Variants in ARHGEF4 observed in about 807,000 individuals in gnomAD.
The protein encoded by ARHGEF4 is APC-stimulated guanine nucleotide exchange factor 1.
Under a neutral mutation model 162.0 loss-of-function variants are expected in ARHGEF4, and 119 were observed. The observed-to-expected ratio is 0.73, with a 90% CI of 0.63 to 0.86. The LOEUF (loss-of-function observed/expected upper bound fraction) is 0.86. Among genes scored for constraint, ARHGEF4 ranks in the 40% least tolerant of loss-of-function variants. ARHGEF4 has a pLI of 0.00. For synonymous variants in ARHGEF4, 1,014 were observed against 979.9 expected (o/e 1.03, Z -0.65); for missense variants, 2,488 against 2,456.0 (o/e 1.01, Z -0.28).
At chr2:130,957,018 G>A (rs1441304159) in intron 4 of ARHGEF4, among the ~76,000 whole-genome samples, 2 of 151,868 alleles carry the variant, frequency 1.3e-5, no homozygotes, top group Non-Finnish European at 2.9e-5. Context: ...ATAAAGTGTT[G>A]TACCCTAAGA....
intron 4 of ARHGEF4, among the ~76,000 whole-genome samples, chr2:131,007,506 T>G (rs1265911534): frequency 6.6e-6 from 1 of 152,200 alleles, no homozygotes; most frequent in African/African-American, 2.4e-5. Context: ...ATAAACGTGT[T>G]TGTTGCTTTT....
chr2:130,872,082 C>T (rs750105890), intron 1 of ARHGEF4, among the ~76,000 whole-genome samples: 4 of 152,246 alleles, frequency 2.6e-5, no homozygotes, highest in Admixed American at 6.5e-5. Context: ...GGCAGGCAAT[C>T]GGCCCAGCTG....
In ARHGEF4 at chr2:130,837,874, G is replaced by A. The variant is rs1175250694; in HGVS notation, c.39+882G>A. On this transcript the variant is annotated intron_variant, in intron 1 of 13. Coordinates refer to ENST00000409359, the MANE Select transcript of ARHGEF4 (RefSeq NM_001367493.1). ...TGTCGGGGCGGGAGGGCGGGAGGGC[G>A]CCCTACTTGGCTGTGCAGCCATCTT... 2.0e-5 allele frequency among the ~76,000 whole-genome samples: 3 copies of A among 152,298 alleles called. No individual in the cohort carries two copies. The East Asian group carries it at 5.8e-4, about 30-fold the overall frequency.
chr2:131,010,235 C>T (rs1688358898), intron 4 of ARHGEF4, among the ~76,000 whole-genome samples: 1 of 152,192 alleles, frequency 6.6e-6, no homozygotes, highest in Non-Finnish European at 1.5e-5. Flanking sequence ...ATCAGTGACA[C>T]TGTGACTGCA....
At chr2:130,964,915 A>G (rs557992217) in intron 4 of ARHGEF4, among the ~76,000 whole-genome samples, 2 of 152,356 alleles carry the variant, frequency 1.3e-5, no homozygotes, top group African/African-American at 4.8e-5. Context: ...GTCCCTAAAT[A>G]TTAATGGAGC....
At chr2:130,927,086 TG>T (rs1682343606) in intron 2 of ARHGEF4, among the ~76,000 whole-genome samples, 1 of 152,006 alleles carries the variant, frequency 6.6e-6, no homozygotes. Context: ...ATGGTCATGT[TG>T]ATCTTAGCCA....
intron 1 of ARHGEF4, among the ~76,000 whole-genome samples, chr2:130,869,352 A>G (rs72855907): frequency 0.046 from 7,017 of 152,202 alleles, 241 homozygotes; most frequent in East Asian, 0.1. Context: ...TTGGAGCCGG[A>G]TAGATGTGGA....
chr2:131,008,310 A>G (rs1036182432), intron 4 of ARHGEF4, among the ~76,000 whole-genome samples: 9 of 152,218 alleles, frequency 5.9e-5, no homozygotes, highest in Admixed American at 2.0e-4. Flanking sequence ...ATAAAACCCT[A>G]AAAATAGAAC....
intron 3 of ARHGEF4, among the ~76,000 whole-genome samples, chr2:130,944,269 G>T (rs930719338): frequency 2.0e-5 from 3 of 152,116 alleles, no homozygotes; most frequent in Non-Finnish European, 4.4e-5. Flanking sequence ...GGATTTTTCA[G>T]CTTGCAGTTT....
chr2:130,927,027 T>C (rs1682338557), intron 2 of ARHGEF4, among the ~76,000 whole-genome samples: 1 of 151,394 alleles, frequency 6.6e-6, no homozygotes, highest in Admixed American at 6.6e-5. Flanking sequence ...ATGTCTCTGG[T>C]TGGGGAGGGG....
chr2:130,927,170 C>G (rs541744824), intron 2 of ARHGEF4, among the ~76,000 whole-genome samples: 1 of 152,006 alleles, frequency 6.6e-6, no homozygotes, highest in Non-Finnish European at 1.5e-5. Context: ...GGTGCTTGTC[C>G]AAGATGGTGA....
intron 2 of ARHGEF4, among the ~76,000 whole-genome samples, chr2:130,919,694 G>A (rs1193755978): frequency 6.6e-6 from 1 of 152,050 alleles, no homozygotes; most frequent in Non-Finnish European, 1.5e-5. Flanking sequence ...TGGCCAACAT[G>A]GTGAAACCCC....
chr2:130,924,290 T>C (rs1240031888), intron 2 of ARHGEF4, among the ~76,000 whole-genome samples: 2 of 151,056 alleles, frequency 1.3e-5, no homozygotes, highest in African/African-American at 4.9e-5. Context: ...CCTTTTTTTT[T>C]TTTTGAGACC....
In ARHGEF4 at chr2:130,915,011, T is replaced by A. The variant is rs1396283976; in HGVS notation, c.1065T>A (p.Asn355Lys). 1 of 1,550,406 alleles carries A rather than the reference T, an allele frequency of 6.4e-7. No individual in the cohort carries two copies. The highest frequency in any genetic ancestry group is 8.7e-7 in the Non-Finnish European group (1 of 1,146,998). The change falls in exon 2 of 14, where the codon AAT (asparagine) becomes AAA (lysine). Residue 355 changes from asparagine to lysine, a missense_variant. Asn to Lys is a moderately conservative substitution (Grantham distance 94). Transcript: ENST00000409359. The stretch of plus-strand genomic sequence containing the variant: ...GCCCCGAGGATCCCGTGGGACAGAA[T>A]GTTGTGAAGTCTGGGACCCATGTGA... ...PECPEDPVGQ[N>K]VVKSGTHVKE...
At chr2:130,854,663 T>C (rs1681633592) in intron 1 of ARHGEF4, among the ~76,000 whole-genome samples, 1 of 152,032 alleles carries the variant, frequency 6.6e-6, no homozygotes, top group Non-Finnish European at 1.5e-5. Context: ...ACTCACAGGA[T>C]GGAGGTTCCA....
At chr2:131,039,891 T>A in intron 6 of ARHGEF4, 125 bp from the exon 7 acceptor site, 1 of 1,442,840 alleles carries the variant, frequency 6.9e-7, no homozygotes. Flanking sequence ...GGCCGGCCAG[T>A]CCTCAGCCCT....
In ARHGEF4 at chr2:131,046,250, C is replaced by G. The variant is rs557647825; in HGVS notation, c.*61C>G. The G allele has an allele frequency of 1.4e-5, 22 of 1,525,848 alleles. No individual in the cohort carries two copies. The Middle Eastern group carries it at 6.8e-4, about 47-fold the overall frequency. 94.5% of individuals were successfully genotyped at this position (1,525,848 alleles called of 1,614,324 possible). A position where few individuals can be genotyped will look rare whatever the true frequency, so the allele number is the denominator to read the frequency against. ...CTGCCAGTGGCCCCCAGTTTTTCTT[C>G]CCCGAGGCCCACTCGGCCTGGCCTT... On this transcript the variant is annotated 3_prime_UTR_variant, in exon 14 of 14. Coordinates refer to ENST00000409359, the MANE Select transcript of ARHGEF4 (RefSeq NM_001367493.1).
chr2:130,938,256 C>T (rs755648896), intron 3 of ARHGEF4, among the ~76,000 whole-genome samples: 3 of 152,124 alleles, frequency 2.0e-5, no homozygotes, highest in Non-Finnish European at 2.9e-5. Context: ...ACATTATTTT[C>T]GAGAGGGCTG....
intron 8 of ARHGEF4, 90 bp downstream of exon 8, chr2:131,040,530 A>G: frequency 7.1e-7 from 1 of 1,402,940 alleles, no homozygotes; most frequent in Non-Finnish European, 9.5e-7. Context: ...GCTGGTCCCA[A>G]AACCTTCCAC....
Sources: gnomAD v4.1 joint callset for allele counts (sites outside exome capture counted in the v4.1 genomes callset) on GRCh38, gnomAD v4.1.1 for gene constraint, MANE v1.5 for transcripts, NCBI Gene and HGNC (gene_info 2026-07-23, HGNC 2026-07-21) for gene names.